HIC2: variants seen among roughly 807,000 people sequenced by gnomAD.
HIC2 encodes HIC ZBTB transcriptional repressor 2, also known as hypermethylated in cancer 2 protein.
In HIC2, 2 loss-of-function variants were observed where a neutral mutation model predicts 39.5. The ratio of observed to expected loss-of-function variants is 0.05; its 90% CI spans 0.02 to 0.16. The LOEUF (loss-of-function observed/expected upper bound fraction) is 0.16, where lower values mean the gene tolerates loss of function less well. HIC2 is among the 10% of genes least tolerant of loss of function. HIC2 has a pLI of 1.00. For synonymous variants in HIC2, 399 were observed against 368.8 expected (o/e 1.08, Z -0.94); for missense variants, 713 against 863.5 (o/e 0.83, Z 2.18).
rs1241819533 is a variant in HIC2 at position 21,417,394 on chromosome 22, G to A, written c.-240G>A. The A allele has an allele frequency of 6.8e-6, 1 of 147,990 alleles. No individual in the cohort carries two copies. Among genetic ancestry groups the A allele is most frequent in the Non-Finnish European group, 1.5e-5 (1 of 66,252 alleles). The allele number at this position is 147,990 out of a possible 1,614,324, so 9.2% of individuals were successfully genotyped here. ...TCACAAGCTTCCAAGATGGCGCTGG[G>A]CGGGCGGCTGTGAGCGGCGCTCGGG... On this transcript the variant is annotated 5_prime_UTR_variant, in exon 1 of 3. Coordinates refer to ENST00000407464, the MANE Select transcript of HIC2 (RefSeq NM_015094.3).
chr22:21,447,563 C>G lies in HIC2; in HGVS notation c.*820C>G, dbSNP rs1385745760. 6.5e-6 allele frequency: 1 copy of G among 152,692 alleles called. No individual in the cohort carries two copies. The highest frequency in any genetic ancestry group is 2.4e-5 in the African/African-American group (1 of 41,448). 9.5% of individuals were successfully genotyped at this position (152,692 alleles called of 1,614,324 possible). On this transcript the variant is annotated 3_prime_UTR_variant, in exon 3 of 3. Transcript: ENST00000407464. ...CTTCTTGCCCAAAGGCTTCCCTGGT[C>G]CCTGAGCCCTGCCTCGGCTGCCTCA... is the stretch of plus-strand genomic sequence containing the variant.
chr22:21,426,073 C>G (rs1214974313), intron 1 of HIC2, among the ~76,000 whole-genome samples: 3 of 151,972 alleles, frequency 2.0e-5, no homozygotes, highest in Non-Finnish European at 4.4e-5. Flanking sequence ...TCTTGAACTC[C>G]TGACCTCAGG....
At chr22:21,421,937 G>A (rs1173794010) in intron 1 of HIC2, among the ~76,000 whole-genome samples, 2 of 25,532 alleles carry the variant, frequency 7.8e-5, no homozygotes, top group East Asian at 8.0e-4. Context: ...GTCCCCTGCC[G>A]TCCCGGGCTG....
chr22:21,446,863 C>A lies in HIC2; in HGVS notation c.*120C>A. 1.5e-6 allele frequency: 2 copies of A among 1,334,722 alleles called. No individual in the cohort carries two copies. The highest frequency in any genetic ancestry group is 2.0e-6 in the Non-Finnish European group (2 of 999,886). 82.7% of individuals were successfully genotyped at this position (1,334,722 alleles called of 1,614,324 possible). On this transcript the variant is annotated 3_prime_UTR_variant, in exon 3 of 3. Transcript: ENST00000407464. ...GGTCCAGTGGAGGCTCCGGGTGGCC[C>A]CTCTGGCCCCCACTGCCCACACCCA...
intron 1 of HIC2, among the ~76,000 whole-genome samples, chr22:21,431,908 G>T (rs1243717102): frequency 4.6e-5 from 5 of 108,450 alleles, no homozygotes; most frequent in Non-Finnish European, 7.3e-5. Flanking sequence ...CTTGAGCCCA[G>T]AAATTAGAGC....
intron 1 of HIC2, among the ~76,000 whole-genome samples, chr22:21,426,036 T>C (rs1923233396): frequency 6.6e-6 from 1 of 152,282 alleles, no homozygotes; most frequent in Non-Finnish European, 1.5e-5. Context: ...TAATAAAGTC[T>C]GGGTTTCGCC....
At position 21,445,016 on chromosome 22, in the gene HIC2, A is replaced by T. The variant is rs1923721955; in HGVS notation, c.121A>T (p.Thr41Ser). 1 of 1,614,088 alleles carries T rather than the reference A, an allele frequency of 6.2e-7. No homozygotes were observed. Among genetic ancestry groups the T allele is most frequent in the Non-Finnish European group, 8.5e-7 (1 of 1,180,018 alleles). Residue 41 changes from threonine (T) to serine (S), a missense_variant, in exon 3 of 3, where the codon ACC becomes TCC. Coordinates refer to ENST00000407464, the MANE Select transcript of HIC2 (RefSeq NM_015094.3). ...QLLLQLNQQR[T>S]KGFLCDVIIM... Reference sequence around the variant, plus strand: ...CCTGCTGCAGCTGAACCAGCAGAGGACCAAGGGCTTCCTGTGTGACGTCAT... The same window carrying T: ...CCTGCTGCAGCTGAACCAGCAGAGGTCCAAGGGCTTCCTGTGTGACGTCAT...
chr22:21,443,289 T>C (rs569458776), intron 2 of HIC2, among the ~76,000 whole-genome samples: 1 of 152,346 alleles, frequency 6.6e-6, no homozygotes, highest in East Asian at 1.9e-4. Context: ...TGTTAGGCTC[T>C]GAGTGCCAGC....
chr22:21,449,796 C>T lies in HIC2; in HGVS notation c.*3053C>T, dbSNP rs1924065566. 6.5e-6 allele frequency: 1 copy of T among 152,872 alleles called. No individual in the cohort carries two copies. Among genetic ancestry groups the T allele is most frequent in the South Asian group, 2.1e-4 (1 of 4,832 alleles). The allele number at this position is 152,872 out of a possible 1,614,324, so 9.5% of individuals were successfully genotyped here. A position where few individuals can be genotyped will look rare whatever the true frequency, so the allele number is the denominator to read the frequency against. ...CCCGTGCTGACCAGCCCCCAAGGCCCTCTGGCCGGACCATGCTGGTCCTGA... is the reference window on the plus strand; with the variant it reads ...CCCGTGCTGACCAGCCCCCAAGGCCTTCTGGCCGGACCATGCTGGTCCTGA... On this transcript the variant is annotated 3_prime_UTR_variant, in exon 3 of 3. Coordinates refer to ENST00000407464, the MANE Select transcript of HIC2 (RefSeq NM_015094.3).
rs537867855 is a variant in HIC2, at chr22:21,447,044, G to T, written c.*301G>T. The T allele has an allele frequency of 4.2e-5, 17 of 402,682 alleles. No individual in the cohort carries two copies. The South Asian group carries it at 7.2e-4, about 17-fold the overall frequency. 24.9% of individuals were successfully genotyped at this position (402,682 alleles called of 1,614,324 possible). ...GTCACGTGGGTCTCGCTGGGACCTG[G>T]TCCCTTTGTTGCAGGCGGCTTGGAG... On this transcript the variant is annotated 3_prime_UTR_variant, in exon 3 of 3. Coordinates refer to ENST00000407464, the MANE Select transcript of HIC2 (RefSeq NM_015094.3).
chr22:21,417,911 C>T (rs1209570364), intron 1 of HIC2, among the ~76,000 whole-genome samples: 7 of 148,598 alleles, frequency 4.7e-5, no homozygotes, highest in South Asian at 2.2e-4. Flanking sequence ...CAATCTAATC[C>T]GAACAGCGTC....
At chr22:21,431,760 C>T (rs1293205366) in intron 1 of HIC2, among the ~76,000 whole-genome samples, 43 of 55,144 alleles carry the variant, frequency 7.8e-4, no homozygotes, top group Admixed American at 5.1e-4. Flanking sequence ...GCAGGAGGAT[C>T]ACTTGAGCCC....
intron 1 of HIC2, among the ~76,000 whole-genome samples, chr22:21,425,827 T>C (rs1173418171): frequency 2.1e-5 from 3 of 144,798 alleles, no homozygotes; most frequent in East Asian, 2.1e-4. Context: ...TTCTCCTGCC[T>C]CAGCCTCCCG....
At chr22:21,425,752 G>A (rs1182887012) in intron 1 of HIC2, among the ~76,000 whole-genome samples, 89 of 139,096 alleles carry the variant, frequency 6.4e-4, no homozygotes, top group African/African-American at 2.1e-3. Flanking sequence ...TTTCCCTGTC[G>A]CCCAGGCTGG....
Position 21,446,916 on chromosome 22 carries a change from C to A in HIC2, c.*173C>A. 1 of 935,258 alleles carries A rather than the reference C, an allele frequency of 1.1e-6. No homozygotes were observed. Among genetic ancestry groups the A allele is most frequent in the Non-Finnish European group, 1.5e-6 (1 of 647,904 alleles). The allele number at this position is 935,258 out of a possible 1,614,324, so 57.9% of individuals were successfully genotyped here. A position where few individuals can be genotyped will look rare whatever the true frequency, so the allele number is the denominator to read the frequency against. On this transcript the variant is annotated 3_prime_UTR_variant, in exon 3 of 3. Coordinates refer to ENST00000407464, the MANE Select transcript of HIC2 (RefSeq NM_015094.3). Reference sequence around the variant, plus strand: ...GCTTTAATGGACAGTCCGTACCAAGCAGAGCCGAGAGGAGGGAAGCCAGGG... The same window carrying A: ...GCTTTAATGGACAGTCCGTACCAAGAAGAGCCGAGAGGAGGGAAGCCAGGG...
intron 1 of HIC2, among the ~76,000 whole-genome samples, chr22:21,425,545 T>TTTC (rs1923203072): frequency 1.9e-5 from 1 of 52,960 alleles, no homozygotes; most frequent in Non-Finnish European, 5.8e-5. Flanking sequence ...ATTTTTTCTT[T>TTTC]TTTTTTTTTT....
intron 1 of HIC2, among the ~76,000 whole-genome samples, chr22:21,418,196 G>T (rs1038706911): frequency 8.2e-6 from 1 of 121,594 alleles, no homozygotes; most frequent in Non-Finnish European, 1.7e-5. Flanking sequence ...CCGCTTGGCA[G>T]GAAGAGAGAT....
rs780891256 is a variant in HIC2, at chr22:21,446,410, C to G, written c.1515C>G (p.Phe505Leu). ...SAAYTAEPRP[F>L]KCSVCEKTYK... Reference sequence around the variant, plus strand: ...CCTACACGGCTGAGCCCCGGCCCTTCAAGTGTTCGGTCTGCGAGAAGACCT... The same window carrying G: ...CCTACACGGCTGAGCCCCGGCCCTTGAAGTGTTCGGTCTGCGAGAAGACCT... Residue 505 changes from phenylalanine (F) to leucine (L), a missense_variant, in exon 3 of 3, where the codon TTC (phenylalanine) becomes TTG (leucine). Physicochemically the swap from Phe to Leu is conservative, Grantham distance 22. This residue lies in a region of HIC2 where 103 missense variants were observed against 103.4 expected (regional missense o/e 1.00). Transcript: ENST00000407464. The G allele has an allele frequency of 1.2e-6, 2 of 1,612,136 alleles. No individual in the cohort carries two copies. Among genetic ancestry groups the G allele is most frequent in the Non-Finnish European group, 1.7e-6 (2 of 1,180,020 alleles).
rs770458335 is a variant in HIC2, at chr22:21,446,044, C to CCCTAGCGGG, written c.1152_1160dup (p.Ser385_Pro387dup). 1 of 1,599,248 alleles carries CCCTAGCGGG rather than the reference C, an allele frequency of 6.3e-7. No homozygotes were observed. Among genetic ancestry groups the CCCTAGCGGG allele is most frequent in the Non-Finnish European group, 8.5e-7 (1 of 1,175,312 alleles). On this transcript the variant is annotated inframe_insertion, in exon 3 of 3. Transcript: ENST00000407464. Reference sequence around the variant, plus strand: ...ATGGCATCCTGGCTAGTGGGGCTGGCCCTAGCGGGCCCTATGGGGAGCCCC... The same window carrying CCCTAGCGGG: ...ATGGCATCCTGGCTAGTGGGGCTGGCCCTAGCGGGCCTAGCGGGCCCTATGGGGAGCCCC...
Sources: allele counts gnomAD v4.1 joint callset (sites outside exome capture counted in the v4.1 genomes callset), GRCh38; gene constraint gnomAD v4.1.1; regional missense constraint gnomAD v4.1.1; transcripts MANE v1.5; gene names NCBI Gene and HGNC (gene_info 2026-07-23, HGNC 2026-07-21).